MYO1E: variants seen among roughly 807,000 people sequenced by gnomAD.
MYO1E encodes myosin IE.
In MYO1E, 68 loss-of-function variants were observed where a neutral mutation model predicts 151.1. The ratio of observed to expected loss-of-function variants is 0.45; its 90% CI spans 0.37 to 0.55. MYO1E has a LOEUF of 0.55. Ranked by LOEUF, MYO1E falls within the 20% of genes least tolerant of loss-of-function variation. MYO1E has a pLI of 0.00. For missense variants in MYO1E, 1,363 were observed against 1,389.3 expected, an observed-to-expected ratio of 0.98 and a Z score of 0.30; for synonymous variants, 601 against 501.7, an observed-to-expected ratio of 1.20 and a Z score of -2.64.
intron 10 of MYO1E, among the ~76,000 whole-genome samples, chr15:59,215,610 G>A (rs1392960516): frequency 3.3e-5 from 5 of 152,242 alleles, no homozygotes; most frequent in East Asian, 1.9e-4. Flanking sequence ...ATGAATACCT[G>A]GACGAATTCT....
At chr15:59,178,928 C>T (rs1486265450) in intron 18 of MYO1E, among the ~76,000 whole-genome samples, 1 of 152,182 alleles carries the variant, frequency 6.6e-6, no homozygotes, top group Non-Finnish European at 1.5e-5. Context: ...ACACTTAATG[C>T]AAAGAGTTTT....
chr15:59,147,911 G>A (rs1021088999), intron 26 of MYO1E, among the ~76,000 whole-genome samples: 1 of 152,250 alleles, frequency 6.6e-6, no homozygotes. Context: ...CCTTCATGGA[G>A]TCCACAGCTC....
intron 1 of MYO1E, among the ~76,000 whole-genome samples, chr15:59,346,938 A>G (rs1468109969): frequency 6.7e-6 from 1 of 149,320 alleles, no homozygotes; most frequent in African/African-American, 2.5e-5. Context: ...AAAAAAAAAA[A>G]GTGAAAGAAT....
In MYO1E at chr15:59,173,692, T is replaced by TA. The variant is rs200159055; in HGVS notation, c.2334+53dup. ...CAACAAAAGCAAAATAACAAGTTAT[T>TA]AAAAAAATAAGGAATCTGTTTGGTG... On this transcript the variant is annotated intron_variant, in intron 21 of 27. Coordinates refer to ENST00000288235, the MANE Select transcript of MYO1E (RefSeq NM_004998.4). 7.8e-3 allele frequency: 12,403 copies of TA among 1,598,314 alleles called. 391 individuals carry two copies. Among genetic ancestry groups the TA allele is most frequent in the East Asian group, 0.041 (1,855 of 44,778 alleles).
intron 1 of MYO1E, among the ~76,000 whole-genome samples, chr15:59,305,261 T>G (rs2080508025): frequency 6.6e-6 from 1 of 152,176 alleles, no homozygotes; most frequent in Non-Finnish European, 1.5e-5. Flanking sequence ...TGGCATGATC[T>G]CAGCTCACTG....
intron 1 of MYO1E, among the ~76,000 whole-genome samples, chr15:59,288,610 A>G (rs1336750616): frequency 6.6e-6 from 1 of 152,218 alleles, no homozygotes; most frequent in East Asian, 1.9e-4. Flanking sequence ...AGCCACTAAT[A>G]TAGCTCTGAT....
At chr15:59,160,260 T>C (rs2140310135) in intron 24 of MYO1E, among the ~76,000 whole-genome samples, 1 of 151,992 alleles carries the variant, frequency 6.6e-6, no homozygotes, top group East Asian at 1.9e-4. Context: ...GTGCTATAGA[T>C]ATAAGTTTAT....
intron 1 of MYO1E, among the ~76,000 whole-genome samples, chr15:59,272,674 T>C (rs2080295269): frequency 6.6e-6 from 1 of 152,200 alleles, no homozygotes; most frequent in African/African-American, 2.4e-5. Flanking sequence ...GTCCCTGAAG[T>C]GACACAAAGT....
At chr15:59,343,029 T>C (rs555410368) in intron 1 of MYO1E, among the ~76,000 whole-genome samples, 2 of 152,328 alleles carry the variant, frequency 1.3e-5, no homozygotes, top group Admixed American at 1.3e-4. Flanking sequence ...ATTTGAGATA[T>C]GTATAGTTTA....
At chr15:59,324,951 A>G (rs1396154608) in intron 1 of MYO1E, among the ~76,000 whole-genome samples, 1 of 32,004 alleles carries the variant, frequency 3.1e-5, no homozygotes, top group African/African-American at 6.2e-5. Flanking sequence ...GCTTTTTAGA[A>G]AAAAAAAAAA....
intron 19 of MYO1E, among the ~76,000 whole-genome samples, chr15:59,176,451 T>C (rs1294640743): frequency 0.028 from 13 of 464 alleles, no homozygotes; most frequent in East Asian, 0.26. Flanking sequence ...TCTTTTTCCT[T>C]TTTTTTTTTT....
intron 2 of MYO1E, among the ~76,000 whole-genome samples, chr15:59,268,720 A>ATTTTTTGTTTTTTTTTTTTTTTT (rs2080271459): frequency 2.2e-5 from 1 of 44,906 alleles, no homozygotes; most frequent in Non-Finnish European, 4.9e-5. Flanking sequence ...TGACTTTGGT[A>ATTTTTTGTTTTTTTTTTTTTTTT]TTTTTTTTTT....
intron 15 of MYO1E, among the ~76,000 whole-genome samples, chr15:59,203,678 G>A (rs919149404): frequency 6.6e-6 from 1 of 152,174 alleles, no homozygotes; most frequent in Non-Finnish European, 1.5e-5. Context: ...CCAGCCTGAA[G>A]ATACTTTCAT....
At chr15:59,151,445 C>A (rs1004860817) in intron 26 of MYO1E, among the ~76,000 whole-genome samples, 2 of 151,858 alleles carry the variant, frequency 1.3e-5, no homozygotes, top group South Asian at 2.1e-4. Flanking sequence ...ACAAAAAACC[C>A]CCCCCAAAAA....
At chr15:59,342,170 T>C (rs978854420) in intron 1 of MYO1E, among the ~76,000 whole-genome samples, 9 of 152,376 alleles carry the variant, frequency 5.9e-5, no homozygotes, top group Admixed American at 3.9e-4. Context: ...GCCATTTGTA[T>C]GTCTTCTTTT....
chr15:59,241,518 T>C (rs879493652), intron 4 of MYO1E, among the ~76,000 whole-genome samples: 5 of 152,020 alleles, frequency 3.3e-5, no homozygotes, highest in South Asian at 2.1e-4. Context: ...CTGGCCGACA[T>C]GGTAAAACCC....
At chr15:59,149,063 T>TTTTTG (rs1566964403) in intron 26 of MYO1E, among the ~76,000 whole-genome samples, 3 of 134,770 alleles carry the variant, frequency 2.2e-5, no homozygotes. Context: ...TTTTTTTTTT[T>TTTTTG]TTTTTTTTTT....
chr15:59,336,653 G>C (rs1288717192), intron 1 of MYO1E, among the ~76,000 whole-genome samples: 3 of 151,846 alleles, frequency 2.0e-5, no homozygotes, highest in African/African-American at 7.3e-5. Context: ...CAGAACGTGC[G>C]GGTTTGTTAC....
At chr15:59,174,356 C>A in intron 19 of MYO1E, 116 bp from the exon 20 acceptor site, 1 of 766,792 alleles carries the variant, frequency 1.3e-6, no homozygotes, top group East Asian at 2.5e-5. Flanking sequence ...CGGGAAGCAG[C>A]TTCTCTGATT....
Sources: gnomAD v4.1 joint callset for allele counts (sites outside exome capture counted in the v4.1 genomes callset) on GRCh38, gnomAD v4.1.1 for gene constraint, MANE v1.5 for transcripts, NCBI Gene and HGNC (gene_info 2026-07-23, HGNC 2026-07-21) for gene names.